The following NRG1 variants were observed in gnomAD, a reference collection of about 807,000 sequenced individuals.
NRG1 encodes the protein neuregulin 1.
In NRG1, 18 loss-of-function variants were observed where a neutral mutation model predicts 63.8. The observed-to-expected ratio is 0.28, with a 90% CI of 0.19 to 0.42. The LOEUF (loss-of-function observed/expected upper bound fraction) is 0.42, where lower values mean the gene tolerates loss of function less well. NRG1 is among the 10% of genes least tolerant of loss of function. The pLI, the probability that NRG1 is intolerant of heterozygous loss-of-function variation, is 1.00. For synonymous variants in NRG1, 302 were observed against 301.3 expected, an observed-to-expected ratio of 1.00 and a Z score of -0.02; for missense variants, 762 against 814.7, an observed-to-expected ratio of 0.94 and a Z score of 0.79.
chr8:32,146,985 T>A (rs1836936389), intron 1 of NRG1, among the ~76,000 whole-genome samples: 1 of 152,130 alleles, frequency 6.6e-6, no homozygotes, highest in African/African-American at 2.4e-5. Flanking sequence ...AATAAGAGAA[T>A]TAAATATCTA....
At chr8:31,697,594 A>G (rs1315792048) in intron 1 of NRG1, among the ~76,000 whole-genome samples, 1 of 152,148 alleles carries the variant, frequency 6.6e-6, no homozygotes, top group Non-Finnish European at 1.5e-5. Flanking sequence ...TCTTTTTGCT[A>G]GGAAGGGAAG....
chr8:31,884,917 G>T (rs980758757), intron 1 of NRG1, among the ~76,000 whole-genome samples: 2 of 152,110 alleles, frequency 1.3e-5, no homozygotes, highest in Non-Finnish European at 2.9e-5. Flanking sequence ...AGAGAAAAAA[G>T]ACTTTTATGG....
chr8:32,593,743 A>C (rs1339980035), intron 1 of NRG1, among the ~76,000 whole-genome samples: 1 of 152,050 alleles, frequency 6.6e-6, no homozygotes, highest in Non-Finnish European at 1.5e-5. Context: ...ACTATTTCAG[A>C]TAACATGAGA....
intron 1 of NRG1, among the ~76,000 whole-genome samples, chr8:31,949,015 T>G (rs1803056468): frequency 1.3e-5 from 2 of 152,234 alleles, no homozygotes; most frequent in African/African-American, 4.8e-5. Flanking sequence ...AAATGATTAT[T>G]ATGTTTTCCA....
rs182239997 is a variant in NRG1 at position 31,926,272 on chromosome 8, T to G, written c.37+286841T>G. 7.9e-5 allele frequency among the ~76,000 whole-genome samples: 12 copies of G among 152,204 alleles called. No homozygotes were observed. The East Asian group carries it at 2.1e-3, about 27-fold the overall frequency. On this transcript the variant is annotated intron_variant, in intron 1 of 10. Coordinates refer to the NRG1 transcript ENST00000519301. ...CTTTATAGGTCCCAAACTCCAGTTT[T>G]TGTCTTTCAGTTCCATTAAACTATG...
intron 1 of NRG1, among the ~76,000 whole-genome samples, chr8:32,296,964 A>C (rs1854962582): frequency 6.6e-6 from 1 of 151,978 alleles, no homozygotes; most frequent in African/African-American, 2.4e-5. Flanking sequence ...AAAATACAAA[A>C]ATTAGCTGGG....
At chr8:32,762,187 G>C (rs1830838463) in intron 11 of NRG1, among the ~76,000 whole-genome samples, 3 of 152,018 alleles carry the variant, frequency 2.0e-5, no homozygotes, top group Admixed American at 2.0e-4. Flanking sequence ...AAAGTAGGCA[G>C]GGTTTAAACT....
Position 31,769,495 on chromosome 8 carries a change from T to C in NRG1, c.37+130064T>C, listed in dbSNP as rs367588304. ...GCCCATGCTGGGATATAATTTTTCA[T>C]TGGGCACAGAAAAAGAGGGTGGCGT... On this transcript the variant is annotated intron_variant, in intron 1 of 10. Coordinates refer to the NRG1 transcript ENST00000519301. Among the ~76,000 whole-genome samples the C allele has an allele frequency of 2.1e-4, 32 of 152,298 alleles. No homozygotes were observed. In the East Asian group the frequency reaches 2.1e-3, roughly 10 times the overall value.
At chr8:31,654,629 G>T (rs1805240961) in intron 1 of NRG1, among the ~76,000 whole-genome samples, 1 of 152,150 alleles carries the variant, frequency 6.6e-6, no homozygotes, top group Non-Finnish European at 1.5e-5. Flanking sequence ...AAATGGATGA[G>T]AAGTTTGTCA....
intron 1 of NRG1, among the ~76,000 whole-genome samples, chr8:32,068,742 G>A (rs1441591991): frequency 6.6e-6 from 1 of 152,190 alleles, no homozygotes; most frequent in African/African-American, 2.4e-5. Context: ...CCTACTGATA[G>A]CAGTGCAAGA....
chr8:32,344,418 C>CGTGT (rs1804566322), intron 1 of NRG1, among the ~76,000 whole-genome samples: 2 of 92,446 alleles, frequency 2.2e-5, no homozygotes, highest in African/African-American at 4.9e-5. Flanking sequence ...TGCGTGCATG[C>CGTGT]ATGTGTGTGT....
In NRG1 at chr8:32,593,854, CA is replaced by C. The variant is rs11444147; in HGVS notation, c.101-1954del. 9.4e-3 allele frequency among the ~76,000 whole-genome samples: 912 copies of C among 97,062 alleles called. 7 individuals are homozygous for C. The highest frequency in any genetic ancestry group is 0.022 in the East Asian group (80 of 3,628). The allele number at this position is 97,062 out of a possible 152,430, so 63.7% of individuals were successfully genotyped here. On this transcript the variant is annotated intron_variant, in intron 1 of 11. Coordinates refer to ENST00000356819, the Ensembl canonical transcript of NRG1. The stretch of plus-strand genomic sequence containing the variant: ...TCAGAAAAAAATATTTTCAAGGTGT[CA>C]AAAAAAAAAAAAAAAAAAAGAACCA...
At chr8:32,683,944 CA>C (rs1809387461) in intron 5 of NRG1, among the ~76,000 whole-genome samples, 1 of 151,222 alleles carries the variant, frequency 6.6e-6, no homozygotes, top group South Asian at 2.1e-4. Flanking sequence ...CCTGTGATGC[CA>C]GCACTCTGGG....
intron 1 of NRG1, among the ~76,000 whole-genome samples, chr8:31,666,007 A>T (rs903119722): frequency 2.0e-5 from 3 of 152,094 alleles, no homozygotes; most frequent in Admixed American, 6.5e-5. Flanking sequence ...ACAGTTTTTA[A>T]ATGTGCCTCC....
At chr8:32,521,506 A>G (rs1420227026) in intron 1 of NRG1, among the ~76,000 whole-genome samples, 2 of 152,222 alleles carry the variant, frequency 1.3e-5, no homozygotes, top group Non-Finnish European at 2.9e-5. Context: ...ATGAAAAGCA[A>G]TGAATACAGA....
At chr8:31,916,963 A>G (rs1372366971) in intron 1 of NRG1, among the ~76,000 whole-genome samples, 282 of 151,620 alleles carry the variant, frequency 1.9e-3, no homozygotes, top group African/African-American at 2.5e-3. Context: ...CAGTGATGGC[A>G]AGCATTTTTT....
intron 1 of NRG1, among the ~76,000 whole-genome samples, chr8:32,336,712 C>T (rs942116668): frequency 2.0e-5 from 3 of 152,112 alleles, no homozygotes; most frequent in African/African-American, 7.2e-5. Flanking sequence ...CAGGTTCCAG[C>T]GATTCTCCTG....
chr8:32,718,781 A>T (rs1214162012), intron 5 of NRG1, among the ~76,000 whole-genome samples: 1 of 152,150 alleles, frequency 6.6e-6, no homozygotes. Flanking sequence ...TCACCTTCTT[A>T]ATATATGACT....
chr8:31,896,258 T>A (rs1242418919), intron 1 of NRG1, among the ~76,000 whole-genome samples: 1 of 152,202 alleles, frequency 6.6e-6, no homozygotes, highest in Non-Finnish European at 1.5e-5. Context: ...TCATTCATGT[T>A]TTATTATGTA....
Sources: gnomAD v4.1 joint callset for allele counts (sites outside exome capture counted in the v4.1 genomes callset) on GRCh38, gnomAD v4.1.1 for gene constraint, MANE v1.5 for transcripts, NCBI Gene and HGNC (gene_info 2026-07-23, HGNC 2026-07-21) for gene names.